The following LURAP1L variants were observed in gnomAD, a reference collection of about 807,000 sequenced individuals.
LURAP1L encodes leucine rich adaptor protein 1-like.
Under a neutral mutation model 13.8 loss-of-function variants are expected in LURAP1L, and 12 were observed. The observed-to-expected ratio is 0.87, with a 90% CI of 0.56 to 1.41. LURAP1L has a LOEUF of 1.41. Among genes scored for constraint, LURAP1L ranks in the 40% most tolerant of loss-of-function variants. The pLI is 0.00. For synonymous variants in LURAP1L, 139 were observed against 119.2 expected (o/e 1.17, Z -1.08); for missense variants, 375 against 292.9 (o/e 1.28, Z -2.04).
intron 1 of LURAP1L, among the ~76,000 whole-genome samples, chr9:12,788,187 G>GAAAGA (rs71489589): frequency 6.8e-4 from 93 of 136,690 alleles, no homozygotes; most frequent in South Asian, 2.7e-3. Flanking sequence ...AAGAAAGAAA[G>GAAAGA]AAAGAAAAGA....
intron 1 of LURAP1L, among the ~76,000 whole-genome samples, chr9:12,793,946 G>C (rs1819479446): frequency 6.6e-6 from 1 of 152,092 alleles, no homozygotes; most frequent in Admixed American, 6.6e-5. Context: ...GCCGCTTTCT[G>C]TGTTAGAGGC....
intron 1 of LURAP1L, among the ~76,000 whole-genome samples, chr9:12,820,409 A>G (rs369366371): frequency 1.1e-4 from 16 of 149,670 alleles, no homozygotes; most frequent in East Asian, 1.0e-3. Context: ...AGGCTGAGGC[A>G]GGAGAATGGC....
Position 12,821,479 on chromosome 9 carries a change from G to C in LURAP1L, c.406G>C (p.Ala136Pro). The C allele has an allele frequency of 6.2e-7, 1 of 1,614,144 alleles. No individual in the cohort carries two copies. The highest frequency in any genetic ancestry group is 1.3e-5 in the African/African-American group (1 of 75,028). Residue 136 changes from alanine to proline, a missense_variant, in exon 2 of 2, where the codon GCC becomes CCC. Coordinates refer to ENST00000319264, the MANE Select transcript of LURAP1L (RefSeq NM_203403.2). ...CATCAAGTGGATGATCGAAGAAAAA[G>C]CCACCATTACCAGCAGAGGCAGCAG... Reference protein sequence around the residue: ...ESIKWMIEEKATITSRGSSLS... With the variant: ...ESIKWMIEEKPTITSRGSSLS...
At chr9:12,784,651 C>T (rs1391908658) in intron 1 of LURAP1L, among the ~76,000 whole-genome samples, 1 of 152,206 alleles carries the variant, frequency 6.6e-6, no homozygotes, top group Non-Finnish European at 1.5e-5. Flanking sequence ...AAAGCCAACA[C>T]AGTACTTGAT....
Position 12,784,608 on chromosome 9 carries a change from C to T in LURAP1L, c.312+8581C>T, listed in dbSNP as rs1338240039. ...AGGGGTGACACGAGCACCTCTGTGG[C>T]CACCACTACTGCAACTGTGCTGAGT... On this transcript the variant is annotated intron_variant, in intron 1 of 1. Transcript: ENST00000319264. Among the ~76,000 whole-genome samples the T allele has an allele frequency of 4.6e-5, 7 of 152,290 alleles. 1 individual carries two copies. In the Middle Eastern group the frequency reaches 0.01, roughly 222 times the overall value.
At chr9:12,781,662 G>C (rs192453835) in intron 1 of LURAP1L, among the ~76,000 whole-genome samples, 104 of 152,244 alleles carry the variant, frequency 6.8e-4, no homozygotes, top group African/African-American at 2.4e-3. Flanking sequence ...TTTGTCTCTT[G>C]ATGGACACAG....
Position 12,808,689 on chromosome 9 carries a change from G to C in LURAP1L, c.313-12697G>C, listed in dbSNP as rs10960804. 2.6e-5 allele frequency among the ~76,000 whole-genome samples: 4 copies of C among 151,966 alleles called. No homozygotes were observed. In the South Asian group the frequency reaches 8.3e-4, roughly 31 times the overall value. On this transcript the variant is annotated intron_variant, in intron 1 of 1. Transcript: ENST00000319264. ...CTATAATTCGAATATAATATGCCTA[G>C]ATATAGGTTTTTTGGTATTTATCCT...
intron 1 of LURAP1L, among the ~76,000 whole-genome samples, chr9:12,780,214 T>G (rs572109709): frequency 6.6e-6 from 1 of 152,234 alleles, no homozygotes; most frequent in East Asian, 1.9e-4. Flanking sequence ...TAAGCAGTAC[T>G]TTCAAATTGC....
intron 1 of LURAP1L, among the ~76,000 whole-genome samples, chr9:12,791,398 A>G (rs1185499331): frequency 2.0e-5 from 3 of 151,988 alleles, no homozygotes; most frequent in Non-Finnish European, 4.4e-5. Flanking sequence ...AAAGGCATCC[A>G]TTTTACCACC....
intron 1 of LURAP1L, among the ~76,000 whole-genome samples, chr9:12,786,581 T>TATATATATAC (rs61134838): frequency 3.3e-5 from 4 of 121,452 alleles, no homozygotes; most frequent in African/African-American, 1.1e-4. Context: ...TATATATATA[T>TATATATATAC]AAACCCTTGT....
At chr9:12,796,080 G>A (rs1819508162) in intron 1 of LURAP1L, among the ~76,000 whole-genome samples, 1 of 151,828 alleles carries the variant, frequency 6.6e-6, no homozygotes, top group Non-Finnish European at 1.5e-5. Flanking sequence ...ATGAATGCTT[G>A]TGACCTTTAT....
chr9:12,776,019 C>A lies in LURAP1L; in HGVS notation c.304C>A (p.Gln102Lys). 2 of 1,612,762 alleles carry A rather than the reference C, an allele frequency of 1.2e-6. No homozygotes were observed. ...RLETKLHLLR[Q>K]EMVNLRATDV... Reference sequence around the variant, plus strand: ...AGAAACCAAGCTTCACCTCCTCAGGCAAGAGATGGTGAGTGTGGTGCGCCA... The same window carrying A: ...AGAAACCAAGCTTCACCTCCTCAGGAAAGAGATGGTGAGTGTGGTGCGCCA... The change falls in exon 1 of 2, where the codon CAA (glutamine) becomes AAA (lysine). Residue 102 changes from glutamine (Q) to lysine (K), a missense_variant. By Grantham distance (53) the Gln-to-Lys change is moderately conservative (BLOSUM62 1). Transcript: ENST00000319264.
intron 1 of LURAP1L, among the ~76,000 whole-genome samples, chr9:12,802,565 G>T (rs1819601620): frequency 6.6e-6 from 1 of 152,280 alleles, no homozygotes; most frequent in East Asian, 1.9e-4. Context: ...TTCCTGTGCA[G>T]CCTTCGGAAC....
chr9:12,775,888 G>C lies in LURAP1L; in HGVS notation c.173G>C (p.Ser58Thr), dbSNP rs1688795485. Residue 58 changes from serine (S) to threonine (T), a missense_variant, in exon 1 of 2, where the codon AGC (serine) becomes ACC (threonine). Ser to Thr is a moderately conservative substitution (Grantham distance 58). Transcript: ENST00000319264. ...GGCGGCGGCGGCGGCGGCTGCAGTA[G>C]CAGCAGCAGCTACTGCAGCTTCCCT... ...GGGGGGGGCS[S>T]SSSYCSFPPS... 1 of 1,570,790 alleles carries C rather than the reference G, an allele frequency of 6.4e-7. No individual in the cohort carries two copies. The highest frequency in any genetic ancestry group is 1.4e-5 in the African/African-American group (1 of 73,884).
At chr9:12,788,451 C>T (rs979526224) in intron 1 of LURAP1L, among the ~76,000 whole-genome samples, 1 of 151,838 alleles carries the variant, frequency 6.6e-6, no homozygotes, top group Non-Finnish European at 1.5e-5. Flanking sequence ...AATTCTGGTG[C>T]CAGTAACAAT....
At chr9:12,808,959 G>A (rs998432352) in intron 1 of LURAP1L, among the ~76,000 whole-genome samples, 1 of 152,174 alleles carries the variant, frequency 6.6e-6, no homozygotes, top group Non-Finnish European at 1.5e-5. Flanking sequence ...GGCTGTACAG[G>A]AAGCAAGGTG....
intron 1 of LURAP1L, among the ~76,000 whole-genome samples, chr9:12,783,191 C>A (rs927183392): frequency 6.6e-6 from 1 of 151,866 alleles, no homozygotes; most frequent in African/African-American, 2.4e-5. Flanking sequence ...AATTTGGATG[C>A]CCTTTATTTC....
At chr9:12,788,308 T>C (rs577691141) in intron 1 of LURAP1L, among the ~76,000 whole-genome samples, 1 of 152,260 alleles carries the variant, frequency 6.6e-6, no homozygotes, top group South Asian at 2.1e-4. Flanking sequence ...ATGCCTTGCC[T>C]TGGCAAGGAT....
At position 12,790,404 on chromosome 9, in the gene LURAP1L, A is replaced by AT. The variant is rs1446173451; in HGVS notation, c.312+14384dup. ...TAAAGTATTCCTTAATCCTGCTTCT[A>AT]TTTTTTTGTGTTTGGACTACACTAG... On this transcript the variant is annotated intron_variant, in intron 1 of 1. Transcript: ENST00000319264. Among the ~76,000 whole-genome samples the AT allele has an allele frequency of 5.9e-5, 9 of 152,106 alleles. No individual in the cohort carries two copies. In the East Asian group the frequency reaches 1.2e-3, roughly 20 times the overall value.
Sources: allele counts gnomAD v4.1 joint callset (sites outside exome capture counted in the v4.1 genomes callset), GRCh38; gene constraint gnomAD v4.1.1; transcripts MANE v1.5; gene names NCBI Gene and HGNC (gene_info 2026-07-23, HGNC 2026-07-21).